The following COL6A1 variants were observed in gnomAD, a reference collection of about 807,000 sequenced individuals.
The protein encoded by COL6A1 is collagen type VI alpha 1 chain.
In COL6A1, 80 loss-of-function variants were observed where a neutral mutation model predicts 145.6. The observed-to-expected ratio is 0.55, with a 90% CI of 0.46 to 0.66. The LOEUF (loss-of-function observed/expected upper bound fraction) is 0.66. Ranked by LOEUF, COL6A1 falls within the 30% of genes least tolerant of loss-of-function variation. The pLI is 0.00. For synonymous variants in COL6A1, 638 were observed against 622.8 expected, an observed-to-expected ratio of 1.02 and a Z score of -0.36; for missense variants, 1,364 against 1,473.8, an observed-to-expected ratio of 0.93 and a Z score of 1.22.
chr21:45,983,333 G>C (rs971861529), intron 2 of COL6A1, among the ~76,000 whole-genome samples: 1 of 151,028 alleles, frequency 6.6e-6, no homozygotes, highest in South Asian at 2.1e-4. Context: ...CCATCTGTGC[G>C]TGTGGCTGAG....
intron 3 of COL6A1, 57 bp downstream of exon 3, chr21:45,984,526 G>A: frequency 6.4e-7 from 1 of 1,564,010 alleles, no homozygotes; most frequent in Non-Finnish European, 8.7e-7. Flanking sequence ...ACCCAGCCTG[G>A]GCTGGGGTTG....
rs150432347 is a variant in COL6A1 at position 46,003,568 on chromosome 21, C to T, written c.2642C>T (p.Thr881Met). Residue 881 changes from threonine (T) to methionine (M), a missense_variant, in exon 35 of 35, where the codon ACG becomes ATG. Coordinates refer to ENST00000361866, the MANE Select transcript of COL6A1 (RefSeq NM_001848.3). ...GTGGCGGTGGTGCAGTACAGCGGCA[C>T]GGGCCAGCAGCGCCCAGAGCGGGCG... ...VRVAVVQYSG[T>M]GQQRPERASL... 2,379 of 1,612,642 alleles carry T rather than the reference C, an allele frequency of 1.5e-3. 6 individuals are homozygous for T. The highest frequency in any genetic ancestry group is 1.9e-3 in the Non-Finnish European group (2,211 of 1,179,784).
chr21:45,984,299 G>C lies in COL6A1; in HGVS notation c.258G>C (p.Trp86Cys). 1 of 1,610,752 alleles carries C rather than the reference G, an allele frequency of 6.2e-7. No individual in the cohort carries two copies. Among genetic ancestry groups the C allele is most frequent in the South Asian group, 1.1e-5 (1 of 90,664 alleles). ...RYYRCDRNLV[W>C]NAGALHYSDE... ...ACCGCTGTGACCGAAACCTGGTGTG[G>C]AACGCAGGCGCGCTGCACTACAGTG... The change falls in exon 3 of 35, where the codon TGG becomes TGC. Residue 86 changes from tryptophan to cysteine, a missense_variant. This residue lies in a region of COL6A1 where 414 missense variants were observed against 437.6 expected (regional missense o/e 0.95). Transcript: ENST00000361866.
intron 9 of COL6A1, 142 bp downstream of exon 9, chr21:45,989,279 G>C (rs952563704): frequency 6.4e-6 from 6 of 932,036 alleles, no homozygotes; most frequent in Non-Finnish European, 8.0e-6. Flanking sequence ...CAGACCTGGA[G>C]GGGCCACAGC....
chr21:45,992,120 G>A (rs1048544574), intron 16 of COL6A1, 44 bp from the exon 17 acceptor site: 2 of 1,613,644 alleles, frequency 1.2e-6, no homozygotes, highest in Admixed American at 1.7e-5. Flanking sequence ...GGCCCAGGGA[G>A]GGTCAAGGAG....
intron 19 of COL6A1, among the ~76,000 whole-genome samples, chr21:45,993,523 C>T (rs535438319): frequency 9.8e-4 from 149 of 152,348 alleles, no homozygotes; most frequent in Non-Finnish European, 1.5e-3. Context: ...CCCCCTTGTC[C>T]GAGAATCAAG....
Position 45,992,229 on chromosome 21 carries a change from C to T in COL6A1, c.1236+12C>T, listed in dbSNP as rs370362743. On this transcript the variant is annotated intron_variant, in intron 17 of 34. Transcript: ENST00000361866. ...AGGCGGGCGACGAGGTGAGTGAGGG[C>T]TCCTGACACCTTCCTGGGGAAGTGC... The T allele has an allele frequency of 1.9e-6, 3 of 1,613,422 alleles. No homozygotes were observed. The highest frequency in any genetic ancestry group is 2.7e-5 in the African/African-American group (2 of 74,900).
In COL6A1 at chr21:45,998,095, C is replaced by G. The variant is rs746680054; in HGVS notation, c.1525-26C>G. ...GTATCCCAGGCCAGGCCGATTCGCACGGTGACGGCTACTCTGCTCCCCCAG... is the reference window on the plus strand; with the variant it reads ...GTATCCCAGGCCAGGCCGATTCGCAGGGTGACGGCTACTCTGCTCCCCCAG... On this transcript the variant is annotated intron_variant, in intron 22 of 34. Transcript: ENST00000361866. 1.1e-5 allele frequency: 18 copies of G among 1,611,050 alleles called. No individual in the cohort carries two copies. In the Admixed American group the frequency reaches 3.0e-4, roughly 27 times the overall value.
intron 28 of COL6A1, 40 bp downstream of exon 28, chr21:46,000,407 G>A: frequency 8.1e-6 from 13 of 1,610,748 alleles, no homozygotes; most frequent in Non-Finnish European, 1.1e-5. Context: ...AGGGAGAGCA[G>A]GGCCGCCAGC....
At chr21:45,982,817 A>T (rs2077715703) in intron 2 of COL6A1, 54 bp downstream of exon 2, 9 of 1,599,106 alleles carry the variant, frequency 5.6e-6, no homozygotes, top group Non-Finnish European at 7.7e-6. Context: ...TCTTGGAGGG[A>T]GGGGTGGGGG....
chr21:46,003,239 C>T, intron 34 of COL6A1, 90 bp downstream of exon 34: 1 of 1,608,064 alleles, frequency 6.2e-7, no homozygotes. Flanking sequence ...GGAGGAGGGC[C>T]TGGCGGTCAC....
intron 4 of COL6A1, 61 bp downstream of exon 4, chr21:45,986,746 C>T (rs913125478): frequency 8.5e-6 from 13 of 1,531,350 alleles, no homozygotes; most frequent in Middle Eastern, 4.4e-4. Context: ...CTGCAAGGCC[C>T]CCGGCAGCTG....
At chr21:45,997,833 G>T (rs1157325543) in intron 22 of COL6A1, 71 bp downstream of exon 22, 1 of 1,468,900 alleles carries the variant, frequency 6.8e-7, no homozygotes, top group Non-Finnish European at 9.3e-7. Flanking sequence ...CCCCAGCCCC[G>T]CACTGTGGAG....
chr21:45,999,080 C>T, intron 25 of COL6A1, 73 bp from the exon 26 acceptor site: 1 of 1,542,446 alleles, frequency 6.5e-7, no homozygotes, highest in Middle Eastern at 1.8e-4. Context: ...CTGCTGGATG[C>T]TCTGTGGACG....
At position 45,999,745 on chromosome 21, in the gene COL6A1, C is replaced by T. The variant is rs892118648; in HGVS notation, c.1776+53C>T. Reference sequence around the variant, plus strand: ...GGGGCGACCACTGTAGCTTCCATCCCTTGGGGTGTGGGTCCTGTCCATGGG... The same window carrying T: ...GGGGCGACCACTGTAGCTTCCATCCTTTGGGGTGTGGGTCCTGTCCATGGG... On this transcript the variant is annotated intron_variant, in intron 27 of 34. Coordinates refer to ENST00000361866, the MANE Select transcript of COL6A1 (RefSeq NM_001848.3). The T allele has an allele frequency of 3.2e-4, 482 of 1,515,800 alleles. 1 individual carries two copies. Among genetic ancestry groups the T allele is most frequent in the Non-Finnish European group, 4.2e-4 (470 of 1,121,112 alleles). The allele number at this position is 1,515,800 out of a possible 1,614,324, so 93.9% of individuals were successfully genotyped here.
intron 8 of COL6A1, among the ~76,000 whole-genome samples, chr21:45,988,857 T>A (rs1021229940): frequency 1.3e-5 from 2 of 151,882 alleles, no homozygotes. Context: ...CACCTGTGCC[T>A]GGGGGTCAGC....
Position 45,989,763 on chromosome 21 carries a change from G to A in COL6A1, c.915G>A (p.Gly305=), listed in dbSNP as rs1175013187. ...VGYQGMKGEK[G]SRGEKGSRGP... ...CGCTGGGTGTGTAGGGAGAAAAAGG[G>A]AGCCGTGGGGAGAAGGTGAGTGAGG... The change falls in exon 11 of 35, where the codon GGG becomes GGA. Residue 305 remains glycine, a synonymous_variant. Coordinates refer to ENST00000361866, the MANE Select transcript of COL6A1 (RefSeq NM_001848.3). The A allele has an allele frequency of 2.5e-6, 4 of 1,612,928 alleles. No homozygotes were observed. In the Admixed American group the frequency reaches 5.0e-5, roughly 20 times the overall value.
intron 4 of COL6A1, 127 bp downstream of exon 4, chr21:45,986,812 C>T (rs1483528946): frequency 3.3e-6 from 5 of 1,517,518 alleles, no homozygotes; most frequent in Admixed American, 2.0e-5. Context: ...CACCCTTGCC[C>T]CTGAGAGGCC....
chr21:46,004,253 C>G lies in COL6A1; in HGVS notation c.*240C>G. On this transcript the variant is annotated 3_prime_UTR_variant, in exon 35 of 35. Coordinates refer to ENST00000361866, the MANE Select transcript of COL6A1 (RefSeq NM_001848.3). ...CTGGGGCTCAGCCCTGAGCTAGTGT[C>G]ACCTGCACAGGGCCCTCTGAGGCTC... The G allele has an allele frequency of 6.7e-6, 4 of 594,072 alleles. No individual in the cohort carries two copies. Among genetic ancestry groups the G allele is most frequent in the Non-Finnish European group, 8.9e-6 (3 of 337,446 alleles). The allele number at this position is 594,072 out of a possible 1,614,324, so 36.8% of individuals were successfully genotyped here. A position where few individuals can be genotyped will look rare whatever the true frequency, so the allele number is the denominator to read the frequency against.
Sources: gnomAD v4.1 joint callset for allele counts (sites outside exome capture counted in the v4.1 genomes callset) on GRCh38, gnomAD v4.1.1 for gene constraint, gnomAD v4.1.1 regional missense constraint, MANE v1.5 for transcripts, NCBI Gene and HGNC (gene_info 2026-07-23, HGNC 2026-07-21) for gene names.